Variants in PPP2R5E observed in about 807,000 individuals in gnomAD.
PPP2R5E encodes the protein protein phosphatase 2 regulatory subunit B'epsilon.
Under a neutral mutation model 65.3 loss-of-function variants are expected in PPP2R5E, and 4 were observed. The observed-to-expected ratio is 0.06, with a 90% CI of 0.03 to 0.14. PPP2R5E has a LOEUF of 0.14. PPP2R5E is among the 10% of genes least tolerant of loss of function. The probability of loss-of-function intolerance (pLI) is 1.00; values close to 1 mark genes in which losing one functional copy is unlikely to be tolerated. For synonymous variants in PPP2R5E, 183 were observed against 187.4 expected (o/e 0.98, Z 0.19); for missense variants, 274 against 556.1 (o/e 0.49, Z 5.10).
At chr14:63,458,991 G>A (rs1889306704) in intron 2 of PPP2R5E, among the ~76,000 whole-genome samples, 1 of 152,058 alleles carries the variant, frequency 6.6e-6, no homozygotes. Flanking sequence ...TGATCCCACA[G>A]AACTTTCTCT....
Position 63,486,329 on chromosome 14 carries a change from T to A in PPP2R5E, c.158-32444A>T, listed in dbSNP as rs182903122. On this transcript the variant is annotated intron_variant, in intron 2 of 13. Coordinates refer to ENST00000337537, the MANE Select transcript of PPP2R5E (RefSeq NM_006246.5). Reference sequence around the variant, plus strand: ...ACACACACACACACACACACACACATCCTTTAAACATTTCTACCAGGGAGC... The same window carrying A: ...ACACACACACACACACACACACACAACCTTTAAACATTTCTACCAGGGAGC... Among the ~76,000 whole-genome samples the A allele has an allele frequency of 3.6e-4, 37 of 103,628 alleles. No homozygotes were observed. The East Asian group carries it at 6.6e-3, about 18-fold the overall frequency. 68.0% of individuals were successfully genotyped at this position (103,628 alleles called of 152,430 possible). A position where few individuals can be genotyped will look rare whatever the true frequency, so the allele number is the denominator to read the frequency against.
At chr14:63,376,302 G>A (rs1883980738) in intron 13 of PPP2R5E, among the ~76,000 whole-genome samples, 194 bp from the exon 14 acceptor site, 1 of 152,180 alleles carries the variant, frequency 6.6e-6, no homozygotes, top group South Asian at 2.1e-4. Flanking sequence ...GCATATTAGT[G>A]ATTTTCACTT....
chr14:63,539,895 A>C (rs1348308559), intron 1 of PPP2R5E, among the ~76,000 whole-genome samples: 1 of 148,216 alleles, frequency 6.7e-6, no homozygotes, highest in Non-Finnish European at 1.5e-5. Flanking sequence ...GGAGGCTGAG[A>C]TGGGTGGATC....
intron 2 of PPP2R5E, among the ~76,000 whole-genome samples, chr14:63,457,936 G>A: frequency 6.6e-6 from 1 of 151,872 alleles, no homozygotes; most frequent in Non-Finnish European, 1.5e-5. Flanking sequence ...ACTTCTCACT[G>A]CACTGTACTT....
chr14:63,500,928 G>C (rs773063746), intron 2 of PPP2R5E, among the ~76,000 whole-genome samples: 9 of 151,790 alleles, frequency 5.9e-5, no homozygotes, highest in African/African-American at 2.2e-4. Context: ...AAAATTTATA[G>C]AGTACAAATT....
At chr14:63,422,317 G>C (rs894305636) in intron 3 of PPP2R5E, among the ~76,000 whole-genome samples, 1 of 152,032 alleles carries the variant, frequency 6.6e-6, no homozygotes, top group Non-Finnish European at 1.5e-5. Context: ...ACTATTAATC[G>C]TCCTTATTTA....
chr14:63,485,657 AC>A (rs1458448458), intron 2 of PPP2R5E, among the ~76,000 whole-genome samples: 1 of 150,568 alleles, frequency 6.6e-6, no homozygotes, highest in African/African-American at 2.4e-5. Flanking sequence ...CAGGTGATCC[AC>A]CCGCCTCGGC....
intron 2 of PPP2R5E, among the ~76,000 whole-genome samples, chr14:63,470,788 T>C (rs1278618437): frequency 4.1e-5 from 6 of 145,976 alleles, no homozygotes; most frequent in Non-Finnish European, 7.5e-5. Context: ...CTTTTGGAGG[T>C]TGAGGTGGGA....
At chr14:63,412,496 G>C (rs770711275) in intron 5 of PPP2R5E, among the ~76,000 whole-genome samples, 2 of 152,206 alleles carry the variant, frequency 1.3e-5, no homozygotes, top group African/African-American at 4.8e-5. Context: ...TTCAAATATA[G>C]ATGTCATATT....
intron 2 of PPP2R5E, among the ~76,000 whole-genome samples, chr14:63,509,569 G>C (rs567941479): frequency 7.2e-5 from 11 of 152,038 alleles, no homozygotes; most frequent in Non-Finnish European, 1.0e-4. Flanking sequence ...GAGTCGCTGT[G>C]CCAGGCCTAA....
intron 2 of PPP2R5E, among the ~76,000 whole-genome samples, chr14:63,523,948 A>T (rs1397885547): frequency 3.9e-5 from 6 of 152,208 alleles, no homozygotes; most frequent in Non-Finnish European, 8.8e-5. Context: ...TAGGAGCCTG[A>T]ACCTACTCTG....
In PPP2R5E at chr14:63,427,538, G is replaced by A. The variant is rs947278674; in HGVS notation, c.355-5444C>T. Reference sequence around the variant, plus strand: ...GGGCTGGGAGCAGTGACTCATGCCTGGGAGGCTAAGGCAGGAGGATCACTT... The same window carrying A: ...GGGCTGGGAGCAGTGACTCATGCCTAGGAGGCTAAGGCAGGAGGATCACTT... On this transcript the variant is annotated intron_variant, in intron 3 of 13. Transcript: ENST00000337537. Among the ~76,000 whole-genome samples, 4 of 152,062 alleles carry A rather than the reference G, an allele frequency of 2.6e-5. 1 individual carries two copies. Among genetic ancestry groups the A allele is most frequent in the Non-Finnish European group, 5.9e-5 (4 of 68,008 alleles).
intron 2 of PPP2R5E, among the ~76,000 whole-genome samples, chr14:63,521,157 A>ATTTCTAGAACATC (rs1354482202): frequency 1.5e-4 from 23 of 152,194 alleles, no homozygotes; most frequent in Admixed American, 1.5e-3. Flanking sequence ...AGCATATACC[A>ATTTCTAGAACATC]TTTCTAGAAC....
At chr14:63,477,466 T>A (rs946114981) in intron 2 of PPP2R5E, among the ~76,000 whole-genome samples, 1 of 149,960 alleles carries the variant, frequency 6.7e-6, no homozygotes, top group Non-Finnish European at 1.5e-5. Context: ...CCAAGATACA[T>A]AGAGACTAAG....
chr14:63,495,224 T>A lies in PPP2R5E; in HGVS notation c.158-41339A>T, dbSNP rs575367984. On this transcript the variant is annotated intron_variant, in intron 2 of 13. Transcript: ENST00000337537. ...TCTCAAAGACACACACACAAAAAAA[T>A]TCATAAAAATATATATAGTGAGAGA... is the stretch of plus-strand genomic sequence containing the variant. Among the ~76,000 whole-genome samples, 7 of 142,624 alleles carry A rather than the reference T, an allele frequency of 4.9e-5. No individual in the cohort carries two copies. The South Asian group carries it at 6.7e-4, about 14-fold the overall frequency. The allele number at this position is 142,624 out of a possible 152,430, so 93.6% of individuals were successfully genotyped here.
At chr14:63,481,034 C>G (rs1890671655) in intron 2 of PPP2R5E, among the ~76,000 whole-genome samples, 1 of 152,096 alleles carries the variant, frequency 6.6e-6, no homozygotes, top group Non-Finnish European at 1.5e-5. Flanking sequence ...GAGGATCTAA[C>G]CAATTGTCAT....
At chr14:63,400,518 C>T (rs1332621941) in intron 5 of PPP2R5E, among the ~76,000 whole-genome samples, 1 of 152,122 alleles carries the variant, frequency 6.6e-6, no homozygotes, top group East Asian at 1.9e-4. Context: ...TCTGCCCATT[C>T]AGCAATACAA....
intron 11 of PPP2R5E, among the ~76,000 whole-genome samples, 171 bp downstream of exon 11, chr14:63,389,441 C>T (rs1228992934): frequency 6.6e-6 from 1 of 152,038 alleles, no homozygotes; most frequent in Non-Finnish European, 1.5e-5. Context: ...ATTACTGTGG[C>T]TGTTAGGCAG....
At chr14:63,506,083 G>A (rs1463241228) in intron 2 of PPP2R5E, among the ~76,000 whole-genome samples, 1 of 152,082 alleles carries the variant, frequency 6.6e-6, no homozygotes, top group Non-Finnish European at 1.5e-5. Context: ...CACTAAATGG[G>A]AGAAAATATT....
Sources: gnomAD v4.1 joint callset for allele counts (sites outside exome capture counted in the v4.1 genomes callset) on GRCh38, gnomAD v4.1.1 for gene constraint, MANE v1.5 for transcripts, NCBI Gene and HGNC (gene_info 2026-07-23, HGNC 2026-07-21) for gene names.